Variants in IL36B observed in about 807,000 individuals in gnomAD.
The protein encoded by IL36B is interleukin-36 beta.
In IL36B, 23 loss-of-function variants were observed where a neutral mutation model predicts 19.3. That is an observed-to-expected ratio of 1.19 (90% CI 0.86 to 1.69). IL36B has a LOEUF of 1.69. Ranked by LOEUF, IL36B falls within the 40% of genes most tolerant of loss-of-function variation. IL36B has a pLI of 0.00. For synonymous variants in IL36B, 59 were observed against 59.7 expected, an observed-to-expected ratio of 0.99 and a Z score of 0.05; for missense variants, 217 against 200.5, an observed-to-expected ratio of 1.08 and a Z score of -0.50.
At chr2:113,028,806 A>T (rs1685012411) in intron 4 of IL36B, 133 bp downstream of exon 4, 12 of 848,668 alleles carry the variant, frequency 1.4e-5, no homozygotes, top group Non-Finnish European at 1.8e-5. Context: ...TTCAGGGATC[A>T]GCCAGGTCAG....
chr2:113,031,627 C>T (rs1685077962), intron 2 of IL36B, 70 bp downstream of exon 2: 11 of 1,282,796 alleles, frequency 8.6e-6, no homozygotes, highest in Non-Finnish European at 1.2e-5. Context: ...GATAGGGGTC[C>T]TTCCATCCTA....
intron 4 of IL36B, chr2:113,028,077 T>C: frequency 3.7e-6 from 6 of 1,614,138 alleles, no homozygotes; most frequent in Non-Finnish European, 5.1e-6. Context: ...AGGGCTTCTG[T>C]GCTTTCTTCT....
At chr2:113,032,375 G>T (rs1356492064) in intron 1 of IL36B, among the ~76,000 whole-genome samples, 1 of 152,102 alleles carries the variant, frequency 6.6e-6, no homozygotes, top group Admixed American at 6.5e-5. Flanking sequence ...ATCTGCCTCT[G>T]GTTTTCTAGT....
chr2:113,035,946 C>T (rs114270924), intron 1 of IL36B, among the ~76,000 whole-genome samples: 1,780 of 152,094 alleles, frequency 0.012, 33 homozygotes, highest in African/African-American at 0.041. Context: ...TTGCACTTTT[C>T]GATTCTTTTG....
chr2:113,025,171 G>A (rs1281988286), intron 5 of IL36B, among the ~76,000 whole-genome samples: 1 of 152,210 alleles, frequency 6.6e-6, no homozygotes, highest in Non-Finnish European at 1.5e-5. Flanking sequence ...CTCCTCCCGA[G>A]TGGATGCCCT....
intron 1 of IL36B, among the ~76,000 whole-genome samples, chr2:113,046,263 G>A (rs1685348016): frequency 6.7e-6 from 1 of 148,288 alleles, no homozygotes; most frequent in Admixed American, 6.8e-5. Context: ...AGGCTGGAGT[G>A]CAGTGGCACC....
At chr2:113,048,504 G>T (rs1419956481) in intron 1 of IL36B, among the ~76,000 whole-genome samples, 1 of 152,078 alleles carries the variant, frequency 6.6e-6, no homozygotes, top group East Asian at 1.9e-4. Flanking sequence ...ACTAAATCAT[G>T]CTTGGAAAAA....
intron 1 of IL36B, among the ~76,000 whole-genome samples, chr2:113,032,269 G>A (rs1271493161): frequency 1.3e-5 from 2 of 152,016 alleles, no homozygotes; most frequent in Non-Finnish European, 2.9e-5. Context: ...GCCTCACTGA[G>A]CCCATCTTCT....
At chr2:113,040,801 G>A (rs34852794) in intron 1 of IL36B, among the ~76,000 whole-genome samples, 97 of 152,290 alleles carry the variant, frequency 6.4e-4, no homozygotes, top group African/African-American at 2.3e-3. Flanking sequence ...TTTTTAAGAT[G>A]TCAGTCTATG....
chr2:113,035,105 G>A (rs894661546), intron 1 of IL36B, among the ~76,000 whole-genome samples: 4 of 152,220 alleles, frequency 2.6e-5, no homozygotes, highest in Non-Finnish European at 5.9e-5. Flanking sequence ...AAGACTGAAG[G>A]CTCTCATGAC....
chr2:113,030,005 G>A (rs1215714239), intron 3 of IL36B, among the ~76,000 whole-genome samples: 2 of 152,188 alleles, frequency 1.3e-5, no homozygotes, highest in Non-Finnish European at 2.9e-5. Context: ...GGCTGAGGTG[G>A]GCGGATCACG....
At position 113,026,183 on chromosome 2, in the gene IL36B, AC is replaced by A. The variant is rs768839327; in HGVS notation, c.310del (p.Val104LeufsTer7). On this transcript the variant is annotated frameshift_variant, in exon 5 of 6. Coordinates refer to ENST00000259213, the MANE Select transcript of IL36B (RefSeq NM_014438.5). LOFTEE classifies it high-confidence loss of function. ...CAGGTTTATGCATGTGTGAATTCCA[AC>A]TAGTTTCCAGCAAGTGTCCTTCCCT... 2.5e-6 allele frequency: 4 copies of A among 1,613,798 alleles called. No individual in the cohort carries two copies. Among genetic ancestry groups the A allele is most frequent in the Non-Finnish European group, 3.4e-6 (4 of 1,179,848 alleles).
At chr2:113,046,420 A>T (rs1198434560) in intron 1 of IL36B, among the ~76,000 whole-genome samples, 4 of 152,174 alleles carry the variant, frequency 2.6e-5, no homozygotes. Context: ...CATGTTAGCC[A>T]GTATGGTCTC....
At chr2:113,046,201 GTTTTTTCTTTTTTT>G (rs150113327) in intron 1 of IL36B, among the ~76,000 whole-genome samples, 84,788 of 144,990 alleles carry the variant, frequency 0.58, 24,575 homozygotes, top group South Asian at 0.71. Context: ...GTTTCTTCAG[GTTTTTTCTTTTTTT>G]TTTTTTTTTT....
chr2:113,026,069 A>T, intron 5 of IL36B: 11 of 1,608,394 alleles, frequency 6.8e-6, no homozygotes, highest in Non-Finnish European at 9.3e-6. Flanking sequence ...AGAATTGTCC[A>T]CCTGTGGGAT....
At chr2:113,050,227 C>T (rs1041704346) in intron 1 of IL36B, among the ~76,000 whole-genome samples, 6 of 151,672 alleles carry the variant, frequency 4.0e-5, no homozygotes, top group Admixed American at 2.0e-4. Context: ...GACAGATGAA[C>T]GAATAAAGAA....
rs151036313 is a variant in IL36B at position 113,049,565 on chromosome 2, G to A, written c.-58+3252C>T. On this transcript the variant is annotated intron_variant, in intron 1 of 5. Transcript: ENST00000259213. Reference sequence around the variant, plus strand: ...CTCAACATCCCTAATAATTAGGAAAGCGTAAATCAAAACCACAATGATATA... The same window carrying A: ...CTCAACATCCCTAATAATTAGGAAAACGTAAATCAAAACCACAATGATATA... 5.3e-5 allele frequency among the ~76,000 whole-genome samples: 8 copies of A among 152,278 alleles called. No homozygotes were observed. In the East Asian group the frequency reaches 1.5e-3, roughly 29 times the overall value.
chr2:113,052,400 A>G (rs1057362792), intron 1 of IL36B, among the ~76,000 whole-genome samples: 1 of 152,174 alleles, frequency 6.6e-6, no homozygotes, highest in Non-Finnish European at 1.5e-5. Flanking sequence ...GTGAATTAGT[A>G]TGAAGTCAAG....
At chr2:113,023,040 C>T (rs1046963039) in intron 5 of IL36B, among the ~76,000 whole-genome samples, 4 of 152,096 alleles carry the variant, frequency 2.6e-5, no homozygotes, top group South Asian at 2.1e-4. Context: ...TAAGAGGCAC[C>T]CCTCACTTCC....
Sources: gnomAD v4.1 joint callset for allele counts (sites outside exome capture counted in the v4.1 genomes callset) on GRCh38, gnomAD v4.1.1 for gene constraint, MANE v1.5 for transcripts, NCBI Gene and HGNC (gene_info 2026-07-23, HGNC 2026-07-21) for gene names.